Variants in ANKRD36C observed in about 807,000 individuals in gnomAD.
ANKRD36C encodes ankyrin repeat domain 36C, also known as ankyrin repeat domain-containing protein 36C.
ANKRD36C carries 61 observed loss-of-function variants against 276.4 expected under a neutral mutation model. The ratio of observed to expected loss-of-function variants is 0.22; its 90% CI spans 0.18 to 0.27. ANKRD36C has a LOEUF of 0.27. Among genes scored for constraint, ANKRD36C ranks in the 10% least tolerant of loss-of-function variants. The pLI is 1.00. For synonymous variants in ANKRD36C, 483 were observed against 680.1 expected (o/e 0.71, Z 4.51); for missense variants, 1,447 against 2,032.3 (o/e 0.71, Z 5.54).
intron 38 of ANKRD36C, among the ~76,000 whole-genome samples, chr2:95,914,705 C>G (rs1168059558): frequency 6.6e-6 from 1 of 151,400 alleles, no homozygotes; most frequent in East Asian, 2.0e-4. Context: ...GGATTTACAC[C>G]ATTATACTAC....
Position 95,897,144 on chromosome 2 carries a change from T to C in ANKRD36C, c.2755+2001A>G. On this transcript the variant is annotated intron_variant, in intron 44 of 66. Transcript: ENST00000456556. ...TCATCACCCACAAACTTATTTGAAA[T>C]GAAGAATCTCAGGACTGCTGAATCA... The C allele has an allele frequency of 3.6e-6, 4 of 1,096,638 alleles. 1 individual carries two copies. The highest frequency in any genetic ancestry group is 1.5e-5 in the South Asian group (1 of 67,724). 67.9% of individuals were successfully genotyped at this position (1,096,638 alleles called of 1,614,324 possible).
At chr2:95,979,914 G>A (rs141644602) in intron 5 of ANKRD36C, among the ~76,000 whole-genome samples, 1 of 151,872 alleles carries the variant, frequency 6.6e-6, no homozygotes, top group East Asian at 1.9e-4. Context: ...GAATATCCAG[G>A]TAACAGAGCA....
chr2:95,977,927 C>T (rs1678846918), intron 6 of ANKRD36C, among the ~76,000 whole-genome samples, 195 bp downstream of exon 6: 1 of 151,860 alleles, frequency 6.6e-6, no homozygotes, highest in African/African-American at 2.4e-5. Context: ...TAATTTTTTT[C>T]ATACAATACT....
At chr2:95,939,568 G>T (rs1231041251) in intron 20 of ANKRD36C, among the ~76,000 whole-genome samples, 1 of 151,950 alleles carries the variant, frequency 6.6e-6, no homozygotes, top group African/African-American at 2.4e-5. Flanking sequence ...AGCCGGGCGT[G>T]GTGGCAGGAG....
At chr2:95,868,546 A>G in intron 59 of ANKRD36C, among the ~76,000 whole-genome samples, 1 of 150,132 alleles carries the variant, frequency 6.7e-6, no homozygotes. Context: ...CATGTTCAGT[A>G]TCTGGTTTGT....
chr2:95,879,392 A>G (rs1313096431), intron 58 of ANKRD36C, among the ~76,000 whole-genome samples: 2 of 151,896 alleles, frequency 1.3e-5, no homozygotes, highest in Non-Finnish European at 2.9e-5. Flanking sequence ...TTATAGCACA[A>G]AAACATGACT....
intron 32 of ANKRD36C, 22 bp downstream of exon 32, chr2:95,923,473 T>G: frequency 6.2e-7 from 1 of 1,609,146 alleles, no homozygotes; most frequent in Non-Finnish European, 8.5e-7. Flanking sequence ...AACATGACAT[T>G]TAATGTGTTT....
chr2:95,851,957 A>C (rs2104234467), intron 65 of ANKRD36C, among the ~76,000 whole-genome samples, 169 bp downstream of exon 85: 1 of 152,322 alleles, frequency 6.6e-6, no homozygotes, highest in African/African-American at 2.4e-5. Context: ...TAATATGCAA[A>C]ATTTAGGAAT....
intron 34 of ANKRD36C, among the ~76,000 whole-genome samples, chr2:95,920,527 A>G (rs1321110031): frequency 7.6e-6 from 1 of 132,288 alleles, no homozygotes; most frequent in Non-Finnish European, 1.7e-5. Flanking sequence ...AATTTGCCTA[A>G]GTTTCTTGTA....
intron 22 of ANKRD36C, among the ~76,000 whole-genome samples, chr2:95,937,439 A>G: frequency 6.6e-6 from 1 of 152,304 alleles, no homozygotes. Context: ...TATAAAACAG[A>G]AAGATTTTCA....
intron 10 of ANKRD36C, among the ~76,000 whole-genome samples, 152 bp downstream of exon 10, chr2:95,960,321 C>A (rs1177758971): frequency 6.6e-6 from 1 of 151,886 alleles, no homozygotes; most frequent in African/African-American, 2.4e-5. Context: ...AGCAGAATCA[C>A]CATCACTCAA....
intron 52 of ANKRD36C, among the ~76,000 whole-genome samples, chr2:95,885,307 A>G: frequency 6.6e-6 from 1 of 151,772 alleles, no homozygotes; most frequent in East Asian, 1.9e-4. Context: ...AATGAAGCCA[A>G]TGTATTCATA....
At chr2:95,860,972 T>C (rs1398170783) in intron 60 of ANKRD36C, among the ~76,000 whole-genome samples, 1 of 152,008 alleles carries the variant, frequency 6.6e-6, no homozygotes, top group Non-Finnish European at 1.5e-5. Flanking sequence ...TAAAGAAAAT[T>C]AGCAGAAACG....
chr2:95,876,656 C>G (rs1223565186), intron 58 of ANKRD36C, 144 bp from the exon 79 acceptor site: 1 of 622,008 alleles, frequency 1.6e-6, no homozygotes, highest in Non-Finnish European at 2.8e-6. Flanking sequence ...TCGAGACCAT[C>G]CTGGCTAACA....
At chr2:95,893,602 T>G in intron 44 of ANKRD36C, 1 of 1,583,384 alleles carries the variant, frequency 6.3e-7, no homozygotes, top group Non-Finnish European at 8.6e-7. Flanking sequence ...TCGTCACCTG[T>G]AGCCTGAATG....
intron 59 of ANKRD36C, among the ~76,000 whole-genome samples, chr2:95,873,239 C>T (rs1390706568): frequency 7.2e-5 from 11 of 152,166 alleles, no homozygotes; most frequent in Admixed American, 6.5e-4. Context: ...GACCAGTATC[C>T]TTAATGAACA....
At chr2:95,932,657 C>T (rs973563895) in intron 24 of ANKRD36C, among the ~76,000 whole-genome samples, 29 of 149,566 alleles carry the variant, frequency 1.9e-4, no homozygotes, top group African/African-American at 7.5e-4. Flanking sequence ...TCAGAATCAC[C>T]GTCTTAAAAG....
chr2:95,851,026 C>A (rs1425062366), downstream of ANKRD36C: 1 of 669,214 alleles, frequency 1.5e-6, no homozygotes, highest in Non-Finnish European at 2.7e-6. Context: ...GTTTTCACAT[C>A]TTTCACTAGA....
At chr2:95,878,282 A>T (rs566381538) in intron 58 of ANKRD36C, among the ~76,000 whole-genome samples, 1 of 152,130 alleles carries the variant, frequency 6.6e-6, no homozygotes, top group African/African-American at 2.4e-5. Flanking sequence ...AACATTTTAT[A>T]CTTCAAAATC....
Sources: allele counts gnomAD v4.1 joint callset (sites outside exome capture counted in the v4.1 genomes callset), GRCh38; gene constraint gnomAD v4.1.1; transcripts MANE v1.5; gene names NCBI Gene and HGNC (gene_info 2026-07-23, HGNC 2026-07-21).